MYH7: variants seen among roughly 807,000 people sequenced by gnomAD.
The protein encoded by MYH7 is myosin-7.
In MYH7, 129 loss-of-function variants were observed where a neutral mutation model predicts 225.4. That is an observed-to-expected ratio of 0.57 (90% confidence interval 0.50 to 0.66). MYH7 has a LOEUF of 0.66. Ranked by LOEUF, MYH7 falls within the 30% of genes least tolerant of loss-of-function variation. The pLI is 0.00. For synonymous variants in MYH7, 971 were observed against 1,007.6 expected (o/e 0.96, Z 0.69); for missense variants, 1,649 against 2,517.0 (o/e 0.66, Z 7.38).
Position 23,427,223 on chromosome 14 carries a change from G to A in MYH7, c.1956+17C>T, listed in dbSNP as rs768729773. On this transcript the variant is annotated intron_variant, in intron 17 of 39. Coordinates refer to ENST00000355349, the MANE Select transcript of MYH7 (RefSeq NM_000257.4). Reference sequence around the variant, plus strand: ...GCAGATGGGGAGCCAAGTTGGCTGGGGCTGTGTCCCACTCACCCTGTGCAG... The same window carrying A: ...GCAGATGGGGAGCCAAGTTGGCTGGAGCTGTGTCCCACTCACCCTGTGCAG... The A allele has an allele frequency of 4.3e-6, 7 of 1,613,096 alleles. No individual in the cohort carries two copies. The highest frequency in any genetic ancestry group is 5.9e-6 in the Non-Finnish European group (7 of 1,179,962).
chr14:23,432,423 C>T (rs1378952896), intron 6 of MYH7, 56 bp downstream of exon 6: 13 of 1,607,998 alleles, frequency 8.1e-6, no homozygotes, highest in Admixed American at 3.3e-5. Context: ...CCTGATGGGG[C>T]TGGAGGCTGG....
rs1893015705 is a variant in MYH7, at chr14:23,433,118, T to C, written c.311A>G (p.Asn104Ser). The change falls in exon 4 of 40, where the codon AAC becomes AGC. Residue 104 changes from asparagine (N) to serine (S), a missense_variant. Asn to Ser is a conservative substitution (Grantham distance 46). Transcript: ENST00000355349. This position sits in a 1 kb window ranked among gnomAD's most constrained non-coding sequence, Gnocchi z 4.1. ...CCAGGAGCCGTAGCGATCCTTGAGGTTGTAGAGCACCGCGGGCTCATGCAG... is the reference window on the plus strand; with the variant it reads ...CCAGGAGCCGTAGCGATCCTTGAGGCTGTAGAGCACCGCGGGCTCATGCAG... The part of the protein sequence containing the change: ...TFLHEPAVLY[N>S]LKDRYGSWMI... 1.2e-6 allele frequency: 2 copies of C among 1,613,962 alleles called. No individual in the cohort carries two copies. The highest frequency in any genetic ancestry group is 1.1e-5 in the South Asian group (1 of 91,068).
At chr14:23,423,405 C>CT (rs1892555827) in intron 24 of MYH7, 142 bp downstream of exon 24, 1 of 1,202,306 alleles carries the variant, frequency 8.3e-7, no homozygotes. Context: ...TTAACATCCT[C>CT]TAACCCTACC....
intron 1 of MYH7, 25 bp from the exon 2 acceptor site, chr14:23,434,274 C>A: frequency 1.0e-6 from 1 of 1,000,688 alleles, no homozygotes; most frequent in Non-Finnish European, 1.2e-6. Flanking sequence ...GAGGCTGTGT[C>A]AGGGCAGGCT....
chr14:23,420,853 T>C, intron 26 of MYH7, 105 bp downstream of exon 26: 1 of 861,184 alleles, frequency 1.2e-6, no homozygotes, highest in South Asian at 1.4e-5. Context: ...CATGGACACA[T>C]AATCAGTTCC....
At chr14:23,414,150 AG>A in intron 37 of MYH7, 48 bp from the exon 38 acceptor site, 1 of 1,551,852 alleles carries the variant, frequency 6.4e-7, no homozygotes, top group Non-Finnish European at 8.8e-7. Flanking sequence ...CAGTCATAGA[AG>A]GTAGCATCCC....
At position 23,425,857 on chromosome 14, in the gene MYH7, G is replaced by A. The variant is rs1392593307; in HGVS notation, c.2163-39C>T. ...TGTCCAGAGTCACCCATGCTCTGCA[G>A]TGATCTGCTCTGCCCATAGAATTCC... is the stretch of plus-strand genomic sequence containing the variant. On this transcript the variant is annotated intron_variant, in intron 19 of 39. Coordinates refer to ENST00000355349, the MANE Select transcript of MYH7 (RefSeq NM_000257.4). The surrounding 1 kb of genome is among the most constrained non-coding windows in gnomAD (Gnocchi z 4.6). The A allele has an allele frequency of 6.2e-7, 1 of 1,613,576 alleles. No individual in the cohort carries two copies.
intron 9 of MYH7, 69 bp from the exon 10 acceptor site, chr14:23,431,068 T>C: frequency 1.7e-6 from 2 of 1,166,720 alleles, no homozygotes; most frequent in Non-Finnish European, 2.6e-6. Flanking sequence ...AAATTAATGA[T>C]AAATGTAGCA....
At chr14:23,418,936 T>C (rs997539908) in intron 29 of MYH7, among the ~76,000 whole-genome samples, 2 of 152,146 alleles carry the variant, frequency 1.3e-5, no homozygotes, top group African/African-American at 4.8e-5. Context: ...CGTGCCTCCC[T>C]AGTTCATTTT....
At position 23,425,063 on chromosome 14, in the gene MYH7, C is replaced by T. The variant is rs191001516; in HGVS notation, c.2424-39G>A. ...TTGAAAGGAGTGCTGAGCCTCCTGC[C>T]TCCTTCCTACCTGAGGTCCTGAAAC... On this transcript the variant is annotated intron_variant, in intron 21 of 39. Coordinates refer to ENST00000355349, the MANE Select transcript of MYH7 (RefSeq NM_000257.4). This position sits in a 1 kb window ranked among gnomAD's most constrained non-coding sequence, Gnocchi z 4.6. The T allele has an allele frequency of 1.2e-6, 2 of 1,614,032 alleles. No homozygotes were observed. Among genetic ancestry groups the T allele is most frequent in the Admixed American group, 3.3e-5 (2 of 60,022 alleles).
rs1461238065 is a variant in MYH7, at chr14:23,429,872, G to A, written c.1041C>T (p.Asn347=). Residue 347 remains asparagine, a synonymous_variant, in exon 12 of 40, where the codon AAC becomes AAT. Coordinates refer to ENST00000355349, the MANE Select transcript of MYH7 (RefSeq NM_000257.4). The part of the protein sequence containing the change: ...DVLGFTSEEK[N]SMYKLTGAIM... The stretch of plus-strand genomic sequence containing the variant: ...TGGCGCCTGTCAGCTTATACATGGA[G>A]TTTTTCTCCTCTGAAGTGAAGCCCA... 6.2e-7 allele frequency: 1 copy of A among 1,614,120 alleles called. No homozygotes were observed. Among genetic ancestry groups the A allele is most frequent in the South Asian group, 1.1e-5 (1 of 91,076 alleles).
At chr14:23,426,131 T>A in intron 18 of MYH7, 50 bp from the exon 19 acceptor site, 1 of 1,600,020 alleles carries the variant, frequency 6.2e-7, no homozygotes, top group East Asian at 2.2e-5. Context: ...TGGACTGAAG[T>A]TCTGGGTTCT....
intron 33 of MYH7, 80 bp from the exon 34 acceptor site, chr14:23,416,392 A>G (rs941699326): frequency 2.7e-6 from 4 of 1,465,808 alleles, no homozygotes; most frequent in Middle Eastern, 1.8e-4. Context: ...CTAATCATGG[A>G]TACGAAGTGA....
intron 27 of MYH7, 23 bp from the exon 28 acceptor site, chr14:23,419,632 A>G (rs764818699): frequency 4.0e-6 from 6 of 1,503,332 alleles, no homozygotes; most frequent in Non-Finnish European, 5.5e-6. Context: ...GGAGAGTTAT[A>G]TGATGGATGT....
chr14:23,430,953 T>C lies in MYH7; in HGVS notation c.843A>G (p.Arg281=), dbSNP rs1376576664. Residue 281 remains arginine (R), a synonymous_variant, in exon 10 of 40, where the codon AGA becomes AGG. Coordinates refer to ENST00000355349, the MANE Select transcript of MYH7 (RefSeq NM_000257.4). The part of the protein sequence containing the change: ...SRVIFQLKAE[R]DYHIFYQILS... The stretch of plus-strand genomic sequence containing the variant: ...GGATTTGGTAGAAAATGTGATAATC[T>C]CTCTCTGCTTTCAGCTGGAAAATAA... The C allele has an allele frequency of 2.5e-6, 4 of 1,613,956 alleles. No homozygotes were observed. Among genetic ancestry groups the C allele is most frequent in the Non-Finnish European group, 3.4e-6 (4 of 1,179,966 alleles).
At chr14:23,419,640 T>TCA in intron 27 of MYH7, 31 bp from the exon 28 acceptor site, 1 of 1,606,012 alleles carries the variant, frequency 6.2e-7, no homozygotes, top group Non-Finnish European at 8.5e-7. Flanking sequence ...ATATGATGGA[T>TCA]GTTGGGGGCG....
In MYH7 at chr14:23,425,370, C is replaced by G. The variant is rs1427104281; in HGVS notation, c.2335G>C (p.Glu779Gln). The G allele has an allele frequency of 6.2e-7, 1 of 1,614,174 alleles. No individual in the cohort carries two copies. The highest frequency in any genetic ancestry group is 8.5e-7 in the Non-Finnish European group (1 of 1,180,044). The part of the protein sequence containing the change: ...LLGLLEEMRD[E>Q]RLSRIITRIQ... ...CGCGTGATGATGCGGCTCAGCCTCT[C>G]GTCCCTCATTTCCTCCAGCAGCCCC... The change falls in exon 21 of 40, where the codon GAG becomes CAG. Residue 779 changes from glutamate to glutamine, a missense_variant. Transcript: ENST00000355349. The surrounding 1 kb of genome is among the most constrained non-coding windows in gnomAD (Gnocchi z 4.6).
chr14:23,421,098 G>A (rs1892457206), intron 25 of MYH7, 50 bp from the exon 26 acceptor site: 1 of 1,396,582 alleles, frequency 7.2e-7, no homozygotes, highest in South Asian at 1.2e-5. Flanking sequence ...GGGGCCTCAG[G>A]AGGGTCCACC....
chr14:23,427,409 TG>T, intron 16 of MYH7, 102 bp from the exon 17 acceptor site: 1 of 1,499,718 alleles, frequency 6.7e-7, no homozygotes, highest in Non-Finnish European at 9.2e-7. Context: ...ATTTGGCCCC[TG>T]GGTGAGGGCC....
Sources: allele counts gnomAD v4.1 joint callset (sites outside exome capture counted in the v4.1 genomes callset), GRCh38; gene constraint gnomAD v4.1.1; non-coding constraint Gnocchi (gnomAD v3.1); transcripts MANE v1.5; gene names NCBI Gene and HGNC (gene_info 2026-07-23, HGNC 2026-07-21).